VASH2: variants seen among roughly 807,000 people sequenced by gnomAD.
VASH2 encodes the protein vasohibin 2.
VASH2 carries 28 observed loss-of-function variants against 37.2 expected under a neutral mutation model. That is an observed-to-expected ratio of 0.75 (90% confidence interval 0.56 to 1.03). The LOEUF (loss-of-function observed/expected upper bound fraction) is 1.03, where lower values mean the gene tolerates loss of function less well. Ranked by LOEUF, VASH2 falls within the 50% of genes least tolerant of loss-of-function variation. The pLI, the probability that VASH2 is intolerant of heterozygous loss-of-function variation, is 0.00. For missense variants in VASH2, 419 were observed against 459.1 expected, an observed-to-expected ratio of 0.91 and a Z score of 0.80; for synonymous variants, 188 against 174.7, an observed-to-expected ratio of 1.08 and a Z score of -0.60.
rs200452158 is a variant in VASH2, at chr1:212,988,533, G to A, written c.1017G>A (p.Lys339=). ...TTAGGCCTGCACTGCCTGAAAAGAA[G>A]GTGGCTGATCTGAGCACTCTGAATG... ...REKSPALPEK[K]VADLSTLNEV... The change falls in exon 8 of 8, where the codon AAG becomes AAA. Residue 339 remains lysine, a synonymous_variant. Coordinates refer to ENST00000517399, the MANE Select transcript of VASH2 (RefSeq NM_001301056.2). The A allele has an allele frequency of 2.0e-5, 33 of 1,614,156 alleles. No individual in the cohort carries two copies. In the East Asian group the frequency reaches 7.4e-4, roughly 36 times the overall value.
intron 3 of VASH2, among the ~76,000 whole-genome samples, chr1:212,962,968 TC>T (rs951971468): frequency 7.2e-6 from 1 of 139,338 alleles, no homozygotes; most frequent in African/African-American, 3.2e-5. Flanking sequence ...TTAGAATGCC[TC>T]CCCATCTCTT....
chr1:212,955,998 A>C (rs954571875), intron 2 of VASH2, among the ~76,000 whole-genome samples: 4 of 152,204 alleles, frequency 2.6e-5, no homozygotes, highest in Non-Finnish European at 4.4e-5. Flanking sequence ...CTGCCAAAGA[A>C]GATTCTTCTG....
At chr1:212,961,487 C>A in intron 3 of VASH2, 1 of 711,560 alleles carries the variant, frequency 1.4e-6, no homozygotes. Flanking sequence ...TTCTCTTTCT[C>A]CCTCCTCTTC....
chr1:212,967,746 A>ATGGTTT (rs1666891974), intron 5 of VASH2: 1 of 156,500 alleles, frequency 6.4e-6, no homozygotes, highest in Non-Finnish European at 1.4e-5. Flanking sequence ...ATTTCAGGGA[A>ATGGTTT]TGGTTTTAAG....
rs760948988 is a variant in VASH2 at position 212,972,616 on chromosome 1, C to T, written c.534C>T (p.Phe178=). ...LTNGQPSIER[F]PISFKTYFSG... ...ATGGGCAGCCTTCCATTGAGCGGTT[C>T]CCCATCAGCTTTAAAACCTACTTCT... Residue 178 remains phenylalanine (F), a synonymous_variant, in exon 6 of 8, where the codon TTC becomes TTT. Coordinates refer to ENST00000517399, the MANE Select transcript of VASH2 (RefSeq NM_001301056.2). 4 of 1,614,150 alleles carry T rather than the reference C, an allele frequency of 2.5e-6. No homozygotes were observed. The Admixed American group carries it at 6.7e-5, about 27-fold the overall frequency.
chr1:212,966,410 G>A, intron 5 of VASH2, 65 bp downstream of exon 5: 1 of 1,331,630 alleles, frequency 7.5e-7, no homozygotes, highest in South Asian at 1.3e-5. Context: ...GGGGCTTGTT[G>A]TGCCTTTAAC....
In VASH2 at chr1:212,989,476, A is replaced by G. The variant is rs2075835637; in HGVS notation, c.*892A>G. 1.3e-5 allele frequency: 2 copies of G among 152,224 alleles called. No homozygotes were observed. 9.4% of individuals were successfully genotyped at this position (152,224 alleles called of 1,614,324 possible). ...ACTCAGGCAGAGACCAGGAGTGATCAGCAGGTCTTCAGAACCAAAAAACCT... is the reference window on the plus strand; with the variant it reads ...ACTCAGGCAGAGACCAGGAGTGATCGGCAGGTCTTCAGAACCAAAAAACCT... On this transcript the variant is annotated 3_prime_UTR_variant, in exon 8 of 8. Transcript: ENST00000517399.
chr1:212,964,057 G>A (rs1207473074), intron 3 of VASH2, among the ~76,000 whole-genome samples: 1 of 152,130 alleles, frequency 6.6e-6, no homozygotes, highest in African/African-American at 2.4e-5. Flanking sequence ...TAATGCCCAG[G>A]TCAGTAACTC....
chr1:212,962,592 C>T (rs560953596), intron 3 of VASH2, among the ~76,000 whole-genome samples: 1 of 152,212 alleles, frequency 6.6e-6, no homozygotes, highest in Non-Finnish European at 1.5e-5. Flanking sequence ...GCACCTCCCC[C>T]ACAGGGGTTG....
intron 5 of VASH2, chr1:212,969,262 A>G (rs3010776): frequency 0.08 from 71,528 of 892,752 alleles, 3,137 homozygotes; most frequent in Non-Finnish European, 0.089. Context: ...GCGAGATCTC[A>G]GCTCACTGCA....
intron 3 of VASH2, among the ~76,000 whole-genome samples, chr1:212,964,729 A>G (rs1220106774): frequency 1.3e-5 from 2 of 152,166 alleles, no homozygotes; most frequent in African/African-American, 4.8e-5. Flanking sequence ...TCTATGCGCT[A>G]CTGCAAAGCC....
chr1:212,959,504 A>T (rs1049580760), intron 2 of VASH2, among the ~76,000 whole-genome samples: 1 of 152,188 alleles, frequency 6.6e-6, no homozygotes. Context: ...TGTGATTCTG[A>T]TGAGTTTCCT....
At chr1:212,970,222 C>T (rs566508276) in intron 5 of VASH2, among the ~76,000 whole-genome samples, 1 of 152,338 alleles carries the variant, frequency 6.6e-6, no homozygotes, top group African/African-American at 2.4e-5. Flanking sequence ...ACTCCCCTGC[C>T]TGCCTCCATA....
intron 7 of VASH2, among the ~76,000 whole-genome samples, chr1:212,986,030 C>T (rs536721488): frequency 5.3e-5 from 8 of 152,258 alleles, no homozygotes; most frequent in Admixed American, 6.5e-5. Flanking sequence ...AACTAATAGA[C>T]GCTGCTGCAC....
intron 7 of VASH2, among the ~76,000 whole-genome samples, chr1:212,977,889 A>G (rs933490908): frequency 1.3e-5 from 2 of 152,196 alleles, no homozygotes; most frequent in African/African-American, 4.8e-5. Flanking sequence ...CGTTTGCTTC[A>G]GCCGCAGGCC....
In VASH2 at chr1:212,988,593, T is replaced by C. The variant is rs762956135; in HGVS notation, c.*9T>C. Reference sequence around the variant, plus strand: ...ATCAAATCCGAATTTAGCCAAGCCATACCGGCCAGCAAGAGGGTTTCTGTG... The same window carrying C: ...ATCAAATCCGAATTTAGCCAAGCCACACCGGCCAGCAAGAGGGTTTCTGTG... On this transcript the variant is annotated 3_prime_UTR_variant, in exon 8 of 8. Transcript: ENST00000517399. The C allele has an allele frequency of 2.5e-6, 4 of 1,614,114 alleles. No homozygotes were observed. The Admixed American group carries it at 5.0e-5, about 20-fold the overall frequency.
chr1:212,964,866 T>A (rs1442145084), intron 3 of VASH2, among the ~76,000 whole-genome samples: 1 of 152,116 alleles, frequency 6.6e-6, no homozygotes, highest in Non-Finnish European at 1.5e-5. Context: ...TCCATTCATG[T>A]ATTCCTCATT....
intron 3 of VASH2, among the ~76,000 whole-genome samples, chr1:212,962,204 A>T (rs1666701811): frequency 6.6e-6 from 1 of 152,152 alleles, no homozygotes. Context: ...TGCAGTCAGG[A>T]TTACATCAGT....
chr1:212,956,381 G>A (rs1666495748), intron 2 of VASH2, among the ~76,000 whole-genome samples: 1 of 152,190 alleles, frequency 6.6e-6, no homozygotes, highest in Non-Finnish European at 1.5e-5. Context: ...CAGGCACAGT[G>A]CCTGTGTGAA....
Sources: gnomAD v4.1 joint callset for allele counts (sites outside exome capture counted in the v4.1 genomes callset) on GRCh38, gnomAD v4.1.1 for gene constraint, MANE v1.5 for transcripts, NCBI Gene and HGNC (gene_info 2026-07-23, HGNC 2026-07-21) for gene names.